Variants in FHIT observed in about 807,000 individuals in gnomAD.
The protein encoded by FHIT is fragile histidine triad diadenosine triphosphatase, also known as bis(5'-adenosyl)-triphosphatase.
A neutral mutation model predicts 17.9 loss-of-function variants in FHIT; 19 were observed. That is an observed-to-expected ratio of 1.06 (90% CI 0.74 to 1.56). The LOEUF is 1.56. Among genes scored for constraint, FHIT ranks in the 40% most tolerant of loss-of-function variants. The pLI is 0.00. For missense variants in FHIT, 248 were observed against 189.2 expected (o/e 1.31, Z -1.82); for synonymous variants, 81 against 69.7 (o/e 1.16, Z -0.81).
At chr3:61,103,635 T>C (rs1451267492) in intron 2 of FHIT, among the ~76,000 whole-genome samples, 1 of 152,164 alleles carries the variant, frequency 6.6e-6, no homozygotes, top group African/African-American at 2.4e-5. Flanking sequence ...CATTGATCTG[T>C]CTAATATTGA....
chr3:61,172,056 T>C (rs2038020699), intron 2 of FHIT, among the ~76,000 whole-genome samples: 1 of 152,204 alleles, frequency 6.6e-6, no homozygotes, highest in Non-Finnish European at 1.5e-5. Context: ...AAGTTTCATG[T>C]CAATCATTTT....
intron 8 of FHIT, among the ~76,000 whole-genome samples, chr3:59,769,713 A>G (rs943932130): frequency 6.7e-6 from 1 of 149,616 alleles, no homozygotes; most frequent in South Asian, 2.2e-4. Context: ...GTGTTTTCTC[A>G]ATACTGGACT....
chr3:60,626,613 A>G (rs1186935371), intron 4 of FHIT, among the ~76,000 whole-genome samples: 1 of 152,034 alleles, frequency 6.6e-6, no homozygotes, highest in Non-Finnish European at 1.5e-5. Flanking sequence ...TGGATTTAAG[A>G]TCTTCTATAT....
chr3:60,014,176 C>T (rs192667507), intron 5 of FHIT, 24 bp from the exon 6 acceptor site: 1 of 1,612,778 alleles, frequency 6.2e-7, no homozygotes, highest in East Asian at 2.2e-5. Context: ...TGTTAAGGCC[C>T]ATGCTGCTGG....
intron 7 of FHIT, among the ~76,000 whole-genome samples, chr3:60,001,140 G>A (rs550934352): frequency 1.1e-4 from 16 of 152,220 alleles, no homozygotes; most frequent in Middle Eastern, 6.8e-3. Flanking sequence ...ACCCAAATCT[G>A]CAATATTTTA....
intron 9 of FHIT, chr3:59,751,184 G>A (rs1700876493): frequency 1.1e-5 from 2 of 179,344 alleles, no homozygotes; most frequent in South Asian, 4.0e-4. Context: ...TGCCAGTATT[G>A]CATGGTAACC....
chr3:60,220,155 C>T (rs1385549569), intron 5 of FHIT, among the ~76,000 whole-genome samples: 1 of 152,048 alleles, frequency 6.6e-6, no homozygotes, highest in African/African-American at 2.4e-5. Flanking sequence ...ATATCAGAGA[C>T]AAAGTGGAGG....
chr3:60,893,851 A>C (rs1170178401), intron 3 of FHIT, among the ~76,000 whole-genome samples: 2 of 152,194 alleles, frequency 1.3e-5, no homozygotes, highest in African/African-American at 2.4e-5. Context: ...GCACAAACCA[A>C]GAGAGAGAAA....
intron 3 of FHIT, among the ~76,000 whole-genome samples, chr3:60,899,760 T>C (rs1435131181): frequency 6.6e-6 from 1 of 152,142 alleles, no homozygotes; most frequent in Non-Finnish European, 1.5e-5. Context: ...CAGGGATACA[T>C]CTTTGTGAGA....
intron 3 of FHIT, among the ~76,000 whole-genome samples, chr3:60,976,096 C>CTTTTTTTTTTTTGTTTTTTTTTTTT (rs1710227946): frequency 1.5e-5 from 1 of 66,754 alleles, no homozygotes; most frequent in South Asian, 6.7e-4. Context: ...TTTTCTTTTT[C>CTTTTTTTTTTTTGTTTTTTTTTTTT]TTTTTTTTTT....
intron 7 of FHIT, among the ~76,000 whole-genome samples, chr3:59,944,481 A>G (rs1706695389): frequency 6.6e-6 from 1 of 151,696 alleles, no homozygotes; most frequent in Admixed American, 6.6e-5. Flanking sequence ...TGAATGGTGC[A>G]ATAATATGCT....
chr3:59,767,916 C>T (rs1403652379), intron 8 of FHIT, among the ~76,000 whole-genome samples: 2 of 152,166 alleles, frequency 1.3e-5, no homozygotes, highest in African/African-American at 4.8e-5. Context: ...TAAATTGAGG[C>T]TCTAACTTAA....
At chr3:60,501,259 G>A (rs368915273) in intron 5 of FHIT, among the ~76,000 whole-genome samples, 1 of 152,080 alleles carries the variant, frequency 6.6e-6, no homozygotes, top group African/African-American at 2.4e-5. Flanking sequence ...TACGTTTAAT[G>A]TTTTTTGATA....
At chr3:60,881,928 G>A (rs552806582) in intron 3 of FHIT, among the ~76,000 whole-genome samples, 31 of 151,928 alleles carry the variant, frequency 2.0e-4, no homozygotes, top group Non-Finnish European at 3.5e-4. Context: ...ATGAAATTGA[G>A]ACTAAAACTT....
intron 5 of FHIT, among the ~76,000 whole-genome samples, chr3:60,090,797 G>A (rs537476407): frequency 1.3e-5 from 2 of 152,196 alleles, no homozygotes; most frequent in South Asian, 4.1e-4. Context: ...AAGGAGACAA[G>A]TGTTACTACT....
chr3:60,483,174 G>A (rs1198256313), intron 5 of FHIT, among the ~76,000 whole-genome samples: 3 of 152,158 alleles, frequency 2.0e-5, no homozygotes, highest in Non-Finnish European at 2.9e-5. Context: ...TTCTGAAATT[G>A]AGGCAGTAAT....
intron 4 of FHIT, among the ~76,000 whole-genome samples, chr3:60,737,072 A>T (rs2108000651): frequency 6.6e-6 from 1 of 152,342 alleles, no homozygotes; most frequent in Admixed American, 6.5e-5. Flanking sequence ...TAGCAGGCAT[A>T]CATAAAAGCT....
intron 5 of FHIT, among the ~76,000 whole-genome samples, chr3:60,476,099 G>A (rs1242031585): frequency 6.6e-6 from 1 of 152,172 alleles, no homozygotes; most frequent in Non-Finnish European, 1.5e-5. Context: ...AAAACTGATG[G>A]CTGTGCAGTC....
At chr3:60,078,281 T>C (rs1037133771) in intron 5 of FHIT, among the ~76,000 whole-genome samples, 10 of 152,088 alleles carry the variant, frequency 6.6e-5, no homozygotes, top group African/African-American at 2.4e-4. Flanking sequence ...GTGATCAAAG[T>C]TAATACCAAG....
Sources: gnomAD v4.1 joint callset for allele counts (sites outside exome capture counted in the v4.1 genomes callset) on GRCh38, gnomAD v4.1.1 for gene constraint, MANE v1.5 for transcripts, NCBI Gene and HGNC (gene_info 2026-07-23, HGNC 2026-07-21) for gene names.